Variants in ANAPC10 observed in about 807,000 individuals in gnomAD.
ANAPC10 encodes anaphase promoting complex subunit 10.
ANAPC10 carries 12 observed loss-of-function variants against 22.0 expected under a neutral mutation model. The ratio of observed to expected loss-of-function variants is 0.55; its 90% CI spans 0.35 to 0.88. The LOEUF (loss-of-function observed/expected upper bound fraction) is 0.88, where lower values mean the gene tolerates loss of function less well. Ranked by LOEUF, ANAPC10 falls within the 40% of genes least tolerant of loss-of-function variation. The pLI is 0.01. For synonymous variants in ANAPC10, 65 were observed against 69.5 expected (o/e 0.94, Z 0.32); for missense variants, 188 against 220.9 (o/e 0.85, Z 0.94).
intron 4 of ANAPC10, among the ~76,000 whole-genome samples, chr4:145,030,320 C>T (rs1048775478): frequency 1.4e-4 from 21 of 152,210 alleles, no homozygotes; most frequent in African/African-American, 4.8e-4. Context: ...AGGCCAGGTC[C>T]CCTTGGGGAA....
At chr4:145,079,434 T>C (rs1281939282) in intron 3 of ANAPC10, among the ~76,000 whole-genome samples, 1 of 152,246 alleles carries the variant, frequency 6.6e-6, no homozygotes, top group African/African-American at 2.4e-5. Flanking sequence ...CTGGTGGTAA[T>C]GTAAATTAGT....
rs549094155 is a variant in ANAPC10 at position 145,030,489 on chromosome 4, C to G, written c.327+34083G>C. Among the ~76,000 whole-genome samples the G allele has an allele frequency of 6.4e-4, 98 of 152,252 alleles. 2 individuals carry two copies. In the South Asian group the frequency reaches 0.019, roughly 30 times the overall value. ...CACTGGCTCTGAGCTGACATTGATT[C>G]CAGGGGACCCAAAGAGTCATTTCGG... On this transcript the variant is annotated intron_variant, in intron 4 of 4. Transcript: ENST00000507656.
intron 4 of ANAPC10, chr4:145,033,144 TG>T (rs1444090873): frequency 6.6e-6 from 1 of 152,176 alleles, no homozygotes; most frequent in African/African-American, 2.4e-5. Flanking sequence ...TTTGCAGGAC[TG>T]GGGCAAAGTT....
chr4:145,054,710 A>G (rs866179106), intron 4 of ANAPC10, among the ~76,000 whole-genome samples: 147 of 142,294 alleles, frequency 1.0e-3, no homozygotes, highest in African/African-American at 3.6e-3. Context: ...GTGTGTGTGC[A>G]TGTGTGTGTG....
At chr4:145,048,821 C>A (rs1740691419) in intron 4 of ANAPC10, among the ~76,000 whole-genome samples, 1 of 151,796 alleles carries the variant, frequency 6.6e-6, no homozygotes, top group South Asian at 2.1e-4. Flanking sequence ...ATCAGTATCT[C>A]AGTTATTTCT....
At chr4:145,016,476 C>T (rs1245166800) in intron 4 of ANAPC10, among the ~76,000 whole-genome samples, 1 of 152,174 alleles carries the variant, frequency 6.6e-6, no homozygotes, top group African/African-American at 2.4e-5. Context: ...AAAGAGGACA[C>T]AAACAAATGG....
chr4:145,018,159 C>T (rs995147769), intron 4 of ANAPC10, among the ~76,000 whole-genome samples: 3 of 149,758 alleles, frequency 2.0e-5, no homozygotes, highest in South Asian at 2.1e-4. Context: ...AAGCACAAAT[C>T]TCACAGGACC....
intron 2 of ANAPC10, among the ~76,000 whole-genome samples, chr4:145,095,782 C>T (rs1748419395): frequency 6.6e-6 from 1 of 151,934 alleles, no homozygotes; most frequent in Non-Finnish European, 1.5e-5. Context: ...TCTTACTGTG[C>T]CTAATTTATA....
intron 2 of ANAPC10, among the ~76,000 whole-genome samples, chr4:145,092,233 A>C (rs1242406366): frequency 6.6e-6 from 1 of 152,184 alleles, no homozygotes; most frequent in Non-Finnish European, 1.5e-5. Flanking sequence ...TACTTATGTG[A>C]TAAGTTGATA....
chr4:145,029,950 A>C (rs1737312834), intron 4 of ANAPC10, among the ~76,000 whole-genome samples: 1 of 152,174 alleles, frequency 6.6e-6, no homozygotes, highest in African/African-American at 2.4e-5. Context: ...AACCACGGTC[A>C]CTCAACTACA....
intron 4 of ANAPC10, among the ~76,000 whole-genome samples, chr4:145,027,080 T>G (rs1332659083): frequency 7.6e-6 from 1 of 130,980 alleles, no homozygotes; most frequent in Non-Finnish European, 1.6e-5. Flanking sequence ...CTTGGCTCAC[T>G]GCAACCTCTG....
chr4:145,089,808 T>C (rs770774138), intron 2 of ANAPC10, among the ~76,000 whole-genome samples: 37 of 152,304 alleles, frequency 2.4e-4, no homozygotes, highest in Non-Finnish European at 4.1e-4. Flanking sequence ...ACTTCCTATC[T>C]GATTTATCGC....
At chr4:145,075,360 T>A (rs896793319) in intron 3 of ANAPC10, among the ~76,000 whole-genome samples, 2 of 152,120 alleles carry the variant, frequency 1.3e-5, no homozygotes, top group Non-Finnish European at 2.9e-5. Context: ...ATAAAGAGAC[T>A]AGTACCTTTT....
At chr4:145,031,702 G>A (rs1355159421) in intron 4 of ANAPC10, among the ~76,000 whole-genome samples, 2 of 152,220 alleles carry the variant, frequency 1.3e-5, no homozygotes, top group African/African-American at 4.8e-5. Context: ...GGCAGATAGG[G>A]ATGCTGTTTG....
chr4:145,069,299 CAA>C (rs10573794), intron 3 of ANAPC10, among the ~76,000 whole-genome samples: 14,015 of 152,046 alleles, frequency 0.092, 701 homozygotes, highest in Middle Eastern at 0.18. Flanking sequence ...AGGGAGATGC[CAA>C]AGAGAATCTA....
intron 4 of ANAPC10, among the ~76,000 whole-genome samples, chr4:145,012,048 T>C (rs1439525076): frequency 6.6e-6 from 1 of 151,972 alleles, no homozygotes; most frequent in Non-Finnish European, 1.5e-5. Flanking sequence ...GAGTAAAGCA[T>C]CTCAGTCTAT....
intron 4 of ANAPC10, among the ~76,000 whole-genome samples, chr4:145,051,545 A>G (rs1367134962): frequency 6.6e-6 from 1 of 152,214 alleles, no homozygotes; most frequent in Non-Finnish European, 1.5e-5. Flanking sequence ...GCAGTTATCT[A>G]TAAAGTGCAA....
chr4:145,000,997 GAA>G (rs1267781638), intron 4 of ANAPC10, among the ~76,000 whole-genome samples: 1 of 152,024 alleles, frequency 6.6e-6, no homozygotes, highest in African/African-American at 2.4e-5. Context: ...TGAACAATGA[GAA>G]CACTTGGACA....
chr4:145,034,001 T>G (rs1304101285), intron 4 of ANAPC10, among the ~76,000 whole-genome samples: 9 of 152,216 alleles, frequency 5.9e-5, no homozygotes. Flanking sequence ...GTATTTGGGT[T>G]GGGGATTGAT....
Sources: allele counts gnomAD v4.1 joint callset (sites outside exome capture counted in the v4.1 genomes callset), GRCh38; gene constraint gnomAD v4.1.1; transcripts MANE v1.5; gene names NCBI Gene and HGNC (gene_info 2026-07-23, HGNC 2026-07-21).